The following PLXNB1 variants were observed in gnomAD, a reference collection of about 807,000 sequenced individuals.
PLXNB1 encodes the protein plexin B1, also known as plexin-B1.
In PLXNB1, 106 loss-of-function variants were observed where a neutral mutation model predicts 209.4. The observed-to-expected ratio is 0.51, with a 90% CI of 0.43 to 0.59. The LOEUF (loss-of-function observed/expected upper bound fraction) is 0.59. Ranked by LOEUF, PLXNB1 falls within the 20% of genes least tolerant of loss-of-function variation. The pLI is 0.00. For synonymous variants in PLXNB1, 1,167 were observed against 1,183.2 expected, an observed-to-expected ratio of 0.99 and a Z score of 0.28; for missense variants, 2,357 against 2,853.2, an observed-to-expected ratio of 0.83 and a Z score of 3.96.
chr3:48,409,755 G>C lies in PLXNB1; in HGVS notation c.5779-24C>G, dbSNP rs961389104. On this transcript the variant is annotated intron_variant, in intron 32 of 37. Transcript: ENST00000296440. The surrounding 1 kb of genome is among the most constrained non-coding windows in gnomAD (Gnocchi z 5.8). The stretch of plus-strand genomic sequence containing the variant: ...CCCTGTGGGAAGGAAGAAGCAGAGA[G>C]GTGTGGTCAGCAAAGGGCCCTCAGC... 15 of 1,609,748 alleles carry C rather than the reference G, an allele frequency of 9.3e-6. No individual in the cohort carries two copies. Among genetic ancestry groups the C allele is most frequent in the Middle Eastern group, 1.7e-4 (1 of 6,042 alleles).
rs1355711234 is a variant in PLXNB1, at chr3:48,411,725, G to T, written c.5247+138C>A. ...AGCTAGTCTGATGGGCTCTCTCCAG[G>T]AGCCAGCCAGAGGTCAACCCAGCTC... On this transcript the variant is annotated intron_variant, in intron 28 of 37. Transcript: ENST00000296440. This position sits in a 1 kb window ranked among gnomAD's most constrained non-coding sequence, Gnocchi z 4.0. The T allele has an allele frequency of 1.0e-6, 1 of 964,220 alleles. No individual in the cohort carries two copies. Among genetic ancestry groups the T allele is most frequent in the Non-Finnish European group, 1.6e-6 (1 of 641,928 alleles). The allele number at this position is 964,220 out of a possible 1,614,324, so 59.7% of individuals were successfully genotyped here. A position where few individuals can be genotyped will look rare whatever the true frequency, so the allele number is the denominator to read the frequency against.
In PLXNB1 at chr3:48,410,664, C is replaced by G. The variant is rs2106775939; in HGVS notation, c.5417-106G>C. On this transcript the variant is annotated intron_variant, in intron 29 of 37. Coordinates refer to ENST00000296440, the MANE Select transcript of PLXNB1 (RefSeq NM_001130082.3). The surrounding 1 kb of genome is among the most constrained non-coding windows in gnomAD (Gnocchi z 6.4). ...CACCAGCCCCTCCATCATGGGGCAG[C>G]CTTACTCAACCTCTCCAAAGACCAA... The G allele has an allele frequency of 3.9e-6, 4 of 1,012,756 alleles. No individual in the cohort carries two copies. Among genetic ancestry groups the G allele is most frequent in the African/African-American group, 1.6e-5 (1 of 62,830 alleles). 62.7% of individuals were successfully genotyped at this position (1,012,756 alleles called of 1,614,324 possible).
At chr3:48,428,857 T>C (rs924838055) in intron 1 of PLXNB1, among the ~76,000 whole-genome samples, 2 of 146,716 alleles carry the variant, frequency 1.4e-5, no homozygotes, top group Non-Finnish European at 3.0e-5. Context: ...TCCGCCTTTG[T>C]CAGTCCCACC....
Position 48,416,377 on chromosome 3 carries a change from C to G in PLXNB1, c.3449G>C (p.Arg1150Pro), listed in dbSNP as rs781605914. 7 of 1,612,906 alleles carry G rather than the reference C, an allele frequency of 4.3e-6. No homozygotes were observed. The South Asian group carries it at 7.7e-5, about 18-fold the overall frequency. ...GGCAAAGTCGTGTTCTGAGACACCA[C>G]GTCCTCTTCCCGGCACCTCCACCGC... is the stretch of plus-strand genomic sequence containing the variant. ...ATAVEVPGRGRGVSEHDFAYQ... is the reference protein window; with the variant it reads ...ATAVEVPGRGPGVSEHDFAYQ... The change falls in exon 17 of 38, where the codon CGT becomes CCT. Residue 1150 changes from arginine to proline, a missense_variant. By Grantham distance (103) the Arg-to-Pro change is moderately radical. Around this residue, in one of 7 missense-constraint regions of PLXNB1, gnomAD observed 743 missense variants for 896.2 expected, o/e 0.83. Coordinates refer to ENST00000296440, the MANE Select transcript of PLXNB1 (RefSeq NM_001130082.3). This position sits in a 1 kb window ranked among gnomAD's most constrained non-coding sequence, Gnocchi z 4.1.
At position 48,410,435 on chromosome 3, in the gene PLXNB1, C is replaced by G. The variant is rs759554483; in HGVS notation, c.5520+20G>C. 2 of 1,612,548 alleles carry G rather than the reference C, an allele frequency of 1.2e-6. No individual in the cohort carries two copies. Among genetic ancestry groups the G allele is most frequent in the South Asian group, 2.2e-5 (2 of 91,040 alleles). On this transcript the variant is annotated intron_variant, in intron 30 of 37. Transcript: ENST00000296440. The surrounding 1 kb of genome is among the most constrained non-coding windows in gnomAD (Gnocchi z 6.4). The stretch of plus-strand genomic sequence containing the variant: ...CAGTCCCACCCCACCATGCCCTCCT[C>G]CAGCTCCCACTCCTCCTACCTTGTA...
rs1361327768 is a variant in PLXNB1 at position 48,413,121 on chromosome 3, C to G, written c.4584G>C (p.Gln1528His). 6.2e-7 allele frequency: 1 copy of G among 1,613,888 alleles called. No individual in the cohort carries two copies. Among genetic ancestry groups the G allele is most frequent in the South Asian group, 1.1e-5 (1 of 91,084 alleles). ...GCACACTGCTCTCCAGATTCTCCAGCTGGATCTGAACCTTCTTATAGTCCC... is the reference window on the plus strand; with the variant it reads ...GCACACTGCTCTCCAGATTCTCCAGGTGGATCTGAACCTTCTTATAGTCCC... ...ALRDYKKVQIQLENLESSVRD... is the reference protein window; with the variant it reads ...ALRDYKKVQIHLENLESSVRD... Residue 1528 changes from glutamine to histidine, a missense_variant, in exon 24 of 38, where the codon CAG (glutamine) becomes CAC (histidine). Physicochemically the swap from Gln to His is conservative, Grantham distance 24. Coordinates refer to ENST00000296440, the MANE Select transcript of PLXNB1 (RefSeq NM_001130082.3). This position sits in a 1 kb window ranked among gnomAD's most constrained non-coding sequence, Gnocchi z 5.4.
At position 48,422,129 on chromosome 3, in the gene PLXNB1, C is replaced by T. The variant is rs910552457; in HGVS notation, c.1496G>A (p.Cys499Tyr). 2 of 1,613,934 alleles carry T rather than the reference C, an allele frequency of 1.2e-6. No individual in the cohort carries two copies. Among genetic ancestry groups the T allele is most frequent in the African/African-American group, 2.7e-5 (2 of 74,938 alleles). The change falls in exon 6 of 38, where the codon TGT becomes TAT. Residue 499 changes from cysteine (C) to tyrosine (Y), a missense_variant. This residue lies in a region of PLXNB1 where 214 missense variants were observed against 297.1 expected (regional missense o/e 0.72). Coordinates refer to ENST00000296440, the MANE Select transcript of PLXNB1 (RefSeq NM_001130082.3). ...ASCLAHRDPY[C>Y]GWCVLLGRCS... ...CCTGCCAAGGAGCACGCACCACCCACAGTATGGGTCCCTGTGAGCAAGGCA... is the reference window on the plus strand; with the variant it reads ...CCTGCCAAGGAGCACGCACCACCCATAGTATGGGTCCCTGTGAGCAAGGCA...
rs754058854 is a variant in PLXNB1 at position 48,412,936 on chromosome 3, G to A, written c.4660C>T (p.Leu1554Phe). 6.2e-7 allele frequency: 1 copy of A among 1,614,160 alleles called. No individual in the cohort carries two copies. Among genetic ancestry groups the A allele is most frequent in the Non-Finnish European group, 8.5e-7 (1 of 1,180,020 alleles). The part of the protein sequence containing the change: ...FTDLMTEMTD[L>F]TSDLLGSGIP... ...CCGCTGCCCAGGAGGTCACTGGTGA[G>A]ATCGGTCATCTCAGTCATGAGGTCT... Residue 1554 changes from leucine to phenylalanine, a missense_variant, in exon 25 of 38, where the codon CTC becomes TTC. Physicochemically the swap from Leu to Phe is conservative, Grantham distance 22 (BLOSUM62 0). This residue lies in a region of PLXNB1 where 743 missense variants were observed against 896.2 expected (regional missense o/e 0.83). Transcript: ENST00000296440.
chr3:48,424,259 A>AC lies in PLXNB1; in HGVS notation c.352dup (p.Val118GlyfsTer3). ...CTGCCCCAGGCGCCGCTGTTCACAG[A>AC]CCCCCTGGTGCACGCTCCCGCATAC... is the stretch of plus-strand genomic sequence containing the variant. On this transcript the variant is annotated frameshift_variant, in exon 3 of 38. Transcript: ENST00000296440. LOFTEE classifies it high-confidence loss of function. The AC allele has an allele frequency of 6.3e-7, 1 of 1,599,820 alleles. No individual in the cohort carries two copies. The highest frequency in any genetic ancestry group is 8.5e-7 in the Non-Finnish European group (1 of 1,173,638).
rs1361478885 is a variant in PLXNB1, at chr3:48,410,825, C to T, written c.5416+43G>A. 6.4e-7 allele frequency: 1 copy of T among 1,571,846 alleles called. No homozygotes were observed. The highest frequency in any genetic ancestry group is 8.7e-7 in the Non-Finnish European group (1 of 1,156,002). ...AGAGTTGGTCCGGGGCCAGCCCAGG[C>T]CCAACAGTGGCTCAGGTCCCCAGGG... On this transcript the variant is annotated intron_variant, in intron 29 of 37. Transcript: ENST00000296440. The surrounding 1 kb of genome is among the most constrained non-coding windows in gnomAD (Gnocchi z 6.4).
Position 48,406,290 on chromosome 3 carries a change from C to A in PLXNB1, c.6229-492G>T, listed in dbSNP as rs1452577232. Among the ~76,000 whole-genome samples the A allele has an allele frequency of 2.6e-5, 4 of 152,210 alleles. No individual in the cohort carries two copies. The highest frequency in any genetic ancestry group is 7.2e-5 in the African/African-American group (3 of 41,442). ...CACCTGGACGATGGAATTGGTGTCA[C>A]CTAGCTTGTGGAGTTCTTGTGAGGA... On this transcript the variant is annotated intron_variant, in intron 36 of 37. Transcript: ENST00000296440. This position sits in a 1 kb window ranked among gnomAD's most constrained non-coding sequence, Gnocchi z 4.4.
rs2038764537 is a variant in PLXNB1 at position 48,424,346 on chromosome 3, G to A, written c.266C>T (p.Pro89Leu). ...CGGGTTGTTGGTAGGCTGGGCCTGG[G>A]GGCACTCATCAGGCATCACAGGTGG... The part of the protein sequence containing the change: ...CLPPVMPDEC[P>L]QAQPTNNPNQ... The change falls in exon 3 of 38, where the codon CCC becomes CTC. Residue 89 changes from proline (P) to leucine (L), a missense_variant. This residue lies in a region of PLXNB1 where 107 missense variants were observed against 167.2 expected (regional missense o/e 0.64). Coordinates refer to ENST00000296440, the MANE Select transcript of PLXNB1 (RefSeq NM_001130082.3). The A allele has an allele frequency of 1.3e-6, 2 of 1,554,534 alleles. No homozygotes were observed. Among genetic ancestry groups the A allele is most frequent in the Admixed American group, 2.0e-5 (1 of 51,266 alleles).
intron 8 of PLXNB1, 99 bp downstream of exon 8, chr3:48,421,129 A>G: frequency 7.0e-6 from 10 of 1,433,612 alleles, no homozygotes; most frequent in Non-Finnish European, 9.6e-6. Context: ...AGAGAAAGGC[A>G]TCCATTCATG....
At position 48,410,244 on chromosome 3, in the gene PLXNB1, C is replaced by T. The variant is rs1055145028; in HGVS notation, c.5605+52G>A. 25 of 1,522,350 alleles carry T rather than the reference C, an allele frequency of 1.6e-5. No homozygotes were observed. The highest frequency in any genetic ancestry group is 2.2e-5 in the Non-Finnish European group (24 of 1,115,878). 94.3% of individuals were successfully genotyped at this position (1,522,350 alleles called of 1,614,324 possible). On this transcript the variant is annotated intron_variant, in intron 31 of 37. Transcript: ENST00000296440. This position sits in a 1 kb window ranked among gnomAD's most constrained non-coding sequence, Gnocchi z 6.4. ...GAGGCCCAGAGGACCTTCCCCATGA[C>T]TCCGGGCTGGGCACAGCAGGGGCAG...
In PLXNB1 at chr3:48,429,820, GC is replaced by G. The variant is rs1456445253; in HGVS notation, c.-60+187del. On this transcript the variant is annotated intron_variant, in intron 1 of 37. Coordinates refer to ENST00000296440, the MANE Select transcript of PLXNB1 (RefSeq NM_001130082.3). This position sits in a 1 kb window ranked among gnomAD's most constrained non-coding sequence, Gnocchi z 6.4. ...GCCAGGAGCCGAGGCGGGGGGTCGC[GC>G]TCCGCACCCGCAGGTGCTGGTGGAA... is the stretch of plus-strand genomic sequence containing the variant. 6.6e-6 allele frequency among the ~76,000 whole-genome samples: 1 copy of G among 151,992 alleles called. No homozygotes were observed. Among genetic ancestry groups the G allele is most frequent in the East Asian group, 1.9e-4 (1 of 5,160 alleles).
chr3:48,404,438 G>A lies in PLXNB1; in HGVS notation c.*48C>T, dbSNP rs1215390886. ...GTGGCCTCTCCTCCGAGCTTCCAGG[G>A]CTGCCCAGGCCAGGCTGAAGCAACA... On this transcript the variant is annotated 3_prime_UTR_variant, in exon 38 of 38. Transcript: ENST00000296440. 1 of 1,314,856 alleles carries A rather than the reference G, an allele frequency of 7.6e-7. No homozygotes were observed. The highest frequency in any genetic ancestry group is 1.2e-5 in the South Asian group (1 of 81,026). 81.4% of individuals were successfully genotyped at this position (1,314,856 alleles called of 1,614,324 possible). A position where few individuals can be genotyped will look rare whatever the true frequency, so the allele number is the denominator to read the frequency against.
Position 48,422,934 on chromosome 3 carries a change from G to C in PLXNB1, c.1121C>G (p.Ala374Gly), listed in dbSNP as rs990594315. 1 of 1,613,666 alleles carries C rather than the reference G, an allele frequency of 6.2e-7. No homozygotes were observed. Among genetic ancestry groups the C allele is most frequent in the Non-Finnish European group, 8.5e-7 (1 of 1,179,826 alleles). The change falls in exon 4 of 38, where the codon GCT becomes GGT. Residue 374 changes from alanine (A) to glycine (G), a missense_variant. This residue lies in a region of PLXNB1 where 404 missense variants were observed against 443.6 expected (regional missense o/e 0.91). Coordinates refer to ENST00000296440, the MANE Select transcript of PLXNB1 (RefSeq NM_001130082.3). Reference protein sequence around the residue: ...CAQLPVDTLDAYPCGSDHTPS... With the variant: ...CAQLPVDTLDGYPCGSDHTPS... The stretch of plus-strand genomic sequence containing the variant: ...CGTGTGGTCTGAGCCACAGGGATAA[G>C]CATCCAGGGTGTCCTATAGGCAGCA...
Position 48,410,190 on chromosome 3 carries a change from C to G in PLXNB1, c.5605+106G>C. The G allele has an allele frequency of 2.1e-6, 3 of 1,453,428 alleles. No homozygotes were observed. Among genetic ancestry groups the G allele is most frequent in the Non-Finnish European group, 2.8e-6 (3 of 1,074,650 alleles). 90.0% of individuals were successfully genotyped at this position (1,453,428 alleles called of 1,614,324 possible). ...GCACCTGGTTGAGGGATTTCCTGGG[C>G]CGAATGGAAATAGGCACAAGCCTGC... On this transcript the variant is annotated intron_variant, in intron 31 of 37. Transcript: ENST00000296440. This position sits in a 1 kb window ranked among gnomAD's most constrained non-coding sequence, Gnocchi z 6.4.
chr3:48,417,991 A>G lies in PLXNB1; in HGVS notation c.3294T>C (p.His1098=). ...VTIRGSNLGQ[H]VQDVLGMVTV... is the part of the protein sequence containing the mutation. ...TGACCATGCCCAGCACATCCTGCAC[A>G]TGCTGGCCCAGGTTGGAGCCCCTGA... The change falls in exon 16 of 38, where the codon CAT becomes CAC. Residue 1098 remains histidine, a synonymous_variant. Transcript: ENST00000296440. The surrounding 1 kb of genome is among the most constrained non-coding windows in gnomAD (Gnocchi z 4.4). 6.2e-7 allele frequency: 1 copy of G among 1,613,414 alleles called. No homozygotes were observed. The highest frequency in any genetic ancestry group is 8.5e-7 in the Non-Finnish European group (1 of 1,179,980).
Sources: allele counts gnomAD v4.1 joint callset (sites outside exome capture counted in the v4.1 genomes callset), GRCh38; gene constraint gnomAD v4.1.1; regional missense constraint gnomAD v4.1.1; non-coding constraint Gnocchi (gnomAD v3.1); transcripts MANE v1.5; gene names NCBI Gene and HGNC (gene_info 2026-07-23, HGNC 2026-07-21).